ZBBX: variants seen among roughly 807,000 people sequenced by gnomAD.
ZBBX encodes zinc finger B-box domain-containing protein 1.
In ZBBX, 101 loss-of-function variants were observed where a neutral mutation model predicts 108.5. That is an observed-to-expected ratio of 0.93 (90% CI 0.79 to 1.10). The LOEUF (loss-of-function observed/expected upper bound fraction) is 1.10, where lower values mean the gene tolerates loss of function less well. Among genes scored for constraint, ZBBX ranks in the 50% least tolerant of loss-of-function variants. The pLI, the probability that ZBBX is intolerant of heterozygous loss-of-function variation, is 0.00. For missense variants in ZBBX, 1,009 were observed against 941.4 expected, an observed-to-expected ratio of 1.07 and a Z score of -0.94; for synonymous variants, 356 against 323.4, an observed-to-expected ratio of 1.10 and a Z score of -1.08.
chr3:167,217,205 A>T, the ZBBX span, among the ~76,000 whole-genome samples: 1 of 152,158 alleles, frequency 6.6e-6, no homozygotes, highest in Non-Finnish European at 1.5e-5. Context: ...ATAGGAGAAA[A>T]TTTCTGAAAA....
intron 17 of ZBBX, among the ~76,000 whole-genome samples, chr3:167,302,273 G>A (rs1272993750): frequency 6.6e-6 from 1 of 151,920 alleles, no homozygotes; most frequent in Non-Finnish European, 1.5e-5. Flanking sequence ...AATCTTATTG[G>A]ATTGATGGAT....
chr3:167,251,203 T>C (rs372528053), intron 20 of ZBBX, among the ~76,000 whole-genome samples: 8 of 152,168 alleles, frequency 5.3e-5, no homozygotes, highest in African/African-American at 7.2e-5. Context: ...GGTGGTGAGC[T>C]ACTTCTACTC....
At chr3:167,352,969 T>G (rs1560171053) in intron 8 of ZBBX, among the ~76,000 whole-genome samples, 2 of 152,012 alleles carry the variant, frequency 1.3e-5, no homozygotes, top group Non-Finnish European at 2.9e-5. Context: ...AGAAGAAACA[T>G]TCACAAAATA....
intron 2 of ZBBX, among the ~76,000 whole-genome samples, chr3:167,377,662 T>C (rs999925269): frequency 3.3e-5 from 5 of 151,682 alleles, no homozygotes; most frequent in African/African-American, 9.7e-5. Context: ...TCTGTAATTA[T>C]CCTTATTTTA....
At chr3:167,407,640 T>C (rs2108646898) in intron 1 of ZBBX, among the ~76,000 whole-genome samples, 1 of 152,198 alleles carries the variant, frequency 6.6e-6, no homozygotes, top group Middle Eastern at 3.4e-3. Flanking sequence ...GGAAATGTTA[T>C]TAAGAAAATC....
At chr3:167,198,460 C>T in the ZBBX span, among the ~76,000 whole-genome samples, 2 of 151,906 alleles carry the variant, frequency 1.3e-5, no homozygotes, top group African/African-American at 4.8e-5. Context: ...AGTACTTTCA[C>T]CTGTTAAATT....
intron 2 of ZBBX, among the ~76,000 whole-genome samples, chr3:167,377,726 A>T (rs1414939931): frequency 6.6e-6 from 1 of 152,106 alleles, no homozygotes; most frequent in East Asian, 1.9e-4. Flanking sequence ...AACTGATAAT[A>T]CATGATTTCT....
chr3:167,311,626 A>C (rs762884943), intron 16 of ZBBX, among the ~76,000 whole-genome samples: 1 of 152,144 alleles, frequency 6.6e-6, no homozygotes, highest in Admixed American at 6.5e-5. Context: ...TTAGCTAAAA[A>C]CCTGAACAGA....
chr3:167,246,459 C>T (rs115195955), intron 20 of ZBBX, among the ~76,000 whole-genome samples: 2,127 of 152,324 alleles, frequency 0.014, 27 homozygotes, highest in South Asian at 0.026. Flanking sequence ...TTTTATTTCA[C>T]TGACAGTATG....
At chr3:167,227,559 T>C in the ZBBX span, among the ~76,000 whole-genome samples, 1 of 151,618 alleles carries the variant, frequency 6.6e-6, no homozygotes, top group Non-Finnish European at 1.5e-5. Context: ...AATCTAACCT[T>C]TAGTTTCATA....
At chr3:167,372,995 A>T (rs1432031998) in intron 3 of ZBBX, 45 bp from the exon 4 acceptor site, 1 of 904,654 alleles carries the variant, frequency 1.1e-6, no homozygotes, top group East Asian at 2.6e-5. Context: ...GAGGTGAAGC[A>T]GTATAAGTTA....
intron 1 of ZBBX, among the ~76,000 whole-genome samples, 158 bp downstream of exon 1, chr3:167,380,089 C>A (rs1251826207): frequency 6.6e-6 from 1 of 152,186 alleles, no homozygotes; most frequent in African/African-American, 2.4e-5. Flanking sequence ...TCAGCAAACA[C>A]TTGCTGGGCC....
chr3:167,346,754 A>G (rs984282368), intron 9 of ZBBX, among the ~76,000 whole-genome samples: 34 of 151,934 alleles, frequency 2.2e-4, no homozygotes, highest in Non-Finnish European at 4.3e-4. Context: ...AAAAAGAGAT[A>G]TCTGACCAAA....
intron 20 of ZBBX, among the ~76,000 whole-genome samples, chr3:167,254,399 C>T (rs1723113362): frequency 1.3e-5 from 2 of 152,012 alleles, no homozygotes; most frequent in Admixed American, 6.6e-5. Context: ...TCTGTTTTAA[C>T]TTATATCAAA....
In ZBBX at chr3:167,344,377, C is replaced by T. The variant is rs540655827; in HGVS notation, c.528+6043G>A. Among the ~76,000 whole-genome samples the T allele has an allele frequency of 7.9e-5, 12 of 151,918 alleles. No individual in the cohort carries two copies. In the South Asian group the frequency reaches 2.3e-3, roughly 29 times the overall value. On this transcript the variant is annotated intron_variant, in intron 9 of 21. Transcript: ENST00000675490. ...ATTGTGTGGTATATGAATTATATCG[C>T]AATAATGCTGTTCTTAAAAACTTTT... is the stretch of plus-strand genomic sequence containing the variant.
In ZBBX at chr3:167,317,118, A is replaced by T. The variant is rs1735598312; in HGVS notation, c.1094-13T>A. ...TTGGTCTCCTCACCTAGGAAATAAG[A>T]TTCACAAATAATATCATCAAAGAAT... On this transcript the variant is annotated splice_polypyrimidine_tract_variant and intron_variant, in intron 13 of 21. Transcript: ENST00000675490. 6.8e-7 allele frequency: 1 copy of T among 1,479,320 alleles called. No homozygotes were observed. The highest frequency in any genetic ancestry group is 9.4e-7 in the Non-Finnish European group (1 of 1,065,730). 91.6% of individuals were successfully genotyped at this position (1,479,320 alleles called of 1,614,324 possible).
the ZBBX span, among the ~76,000 whole-genome samples, chr3:167,191,916 T>TAGAGAGAGAGAGAGAG: frequency 9.7e-6 from 1 of 103,276 alleles, no homozygotes; most frequent in African/African-American, 3.5e-5. Flanking sequence ...TATATATATA[T>TAGAGAGAGAGAGAGAG]ATATATATAT....
At chr3:167,334,541 T>C (rs1739230553) in intron 9 of ZBBX, among the ~76,000 whole-genome samples, 1 of 151,794 alleles carries the variant, frequency 6.6e-6, no homozygotes, top group African/African-American at 2.4e-5. Flanking sequence ...GCCACTGCAC[T>C]CCAGCCTTGG....
At chr3:167,348,055 T>A (rs1160733427) in intron 9 of ZBBX, among the ~76,000 whole-genome samples, 1 of 151,906 alleles carries the variant, frequency 6.6e-6, no homozygotes, top group Admixed American at 6.6e-5. Flanking sequence ...ATTAGGAACT[T>A]AAATACCATT....
Sources: gnomAD v4.1 joint callset for allele counts (sites outside exome capture counted in the v4.1 genomes callset) on GRCh38, gnomAD v4.1.1 for gene constraint, MANE v1.5 for transcripts, NCBI Gene and HGNC (gene_info 2026-07-23, HGNC 2026-07-21) for gene names.